ABCC1: variants seen among roughly 807,000 people sequenced by gnomAD.
ABCC1 encodes the protein multidrug resistance-associated protein 1.
Under a neutral mutation model 172.9 loss-of-function variants are expected in ABCC1, and 83 were observed. The observed-to-expected ratio is 0.48, with a 90% confidence interval of 0.40 to 0.58. The LOEUF (loss-of-function observed/expected upper bound fraction) is 0.58, where lower values mean the gene tolerates loss of function less well. ABCC1 is among the 20% of genes least tolerant of loss of function. ABCC1 has a pLI of 0.00. For synonymous variants in ABCC1, 937 were observed against 825.2 expected (o/e 1.14, Z -2.32); for missense variants, 1,817 against 2,002.7 (o/e 0.91, Z 1.77).
At chr16:16,139,584 C>T (rs914987879) in intron 30 of ABCC1, among the ~76,000 whole-genome samples, 1 of 118,454 alleles carries the variant, frequency 8.4e-6, no homozygotes, top group Admixed American at 1.2e-4. Flanking sequence ...TGCAGTCCAG[C>T]CTGGGCAACA....
chr16:15,964,942 C>G (rs2151512817), intron 1 of ABCC1, among the ~76,000 whole-genome samples: 2 of 152,226 alleles, frequency 1.3e-5, no homozygotes, highest in Middle Eastern at 3.4e-3. Context: ...ACTAGTTTGT[C>G]TTTTTCCTGT....
At chr16:16,074,920 A>G (rs962661771) in intron 14 of ABCC1, among the ~76,000 whole-genome samples, 1 of 151,172 alleles carries the variant, frequency 6.6e-6, no homozygotes, top group African/African-American at 2.4e-5. Flanking sequence ...CATAATTCAG[A>G]GAGCTGCTTT....
chr16:16,080,685 G>A (rs2050772140), intron 16 of ABCC1, among the ~76,000 whole-genome samples: 1 of 152,174 alleles, frequency 6.6e-6, no homozygotes, highest in Non-Finnish European at 1.5e-5. Context: ...CCTCCCTCTT[G>A]GAGACTTACA....
chr16:16,128,290 C>A (rs2045527746), intron 26 of ABCC1, among the ~76,000 whole-genome samples: 1 of 152,034 alleles, frequency 6.6e-6, no homozygotes, highest in Non-Finnish European at 1.5e-5. Context: ...CGATTCCCAG[C>A]CTCCTGAGTA....
In ABCC1 at chr16:15,949,729, C is replaced by A. The variant is rs997450926; in HGVS notation, c.-23C>A. ...GGCCCGATCACCCGCCGCCCGGTGCCCGCCGCCGCCCGCGCCACCGGCATG... is the reference window on the plus strand; with the variant it reads ...GGCCCGATCACCCGCCGCCCGGTGCACGCCGCCGCCCGCGCCACCGGCATG... On this transcript the variant is annotated 5_prime_UTR_variant, in exon 1 of 31. Coordinates refer to ENST00000399410, the MANE Select transcript of ABCC1 (RefSeq NM_004996.4). 2 of 1,151,162 alleles carry A rather than the reference C, an allele frequency of 1.7e-6. No individual in the cohort carries two copies. The highest frequency in any genetic ancestry group is 3.3e-5 in the African/African-American group (2 of 60,738). 71.3% of individuals were successfully genotyped at this position (1,151,162 alleles called of 1,614,324 possible). A position where few individuals can be genotyped will look rare whatever the true frequency, so the allele number is the denominator to read the frequency against.
chr16:16,031,969 C>T (rs1342989314), intron 5 of ABCC1, among the ~76,000 whole-genome samples: 1 of 151,796 alleles, frequency 6.6e-6, no homozygotes, highest in Non-Finnish European at 1.5e-5. Flanking sequence ...ATCTCTGGTC[C>T]CCAGTTTTTA....
intron 1 of ABCC1, among the ~76,000 whole-genome samples, chr16:15,998,664 T>G (rs976630428): frequency 3.3e-5 from 5 of 152,214 alleles, no homozygotes; most frequent in African/African-American, 1.2e-4. Context: ...AGCTAGCCTG[T>G]GCTCTTCAAT....
chr16:16,042,571 C>G (rs1038750855), intron 7 of ABCC1, among the ~76,000 whole-genome samples: 1 of 151,932 alleles, frequency 6.6e-6, no homozygotes, highest in African/African-American at 2.4e-5. Context: ...GGTGTGGTAG[C>G]GCACACCTGT....
intron 5 of ABCC1, among the ~76,000 whole-genome samples, chr16:16,024,650 C>G (rs1390105328): frequency 1.3e-5 from 2 of 152,114 alleles, no homozygotes; most frequent in African/African-American, 2.4e-5. Flanking sequence ...ACCACCACAT[C>G]CAGCCAGGAC....
chr16:15,962,028 T>C (rs2046145252), intron 1 of ABCC1, among the ~76,000 whole-genome samples: 1 of 152,238 alleles, frequency 6.6e-6, no homozygotes, highest in South Asian at 2.1e-4. Context: ...GTCAGGTTAC[T>C]GCAGCAGTTT....
chr16:15,997,828 C>G (rs152261), intron 1 of ABCC1, among the ~76,000 whole-genome samples: 1 of 132,724 alleles, frequency 7.5e-6, no homozygotes, highest in Non-Finnish European at 1.5e-5. Flanking sequence ...TTTTTTTTTT[C>G]CCTGAGACAG....
chr16:15,986,684 A>T (rs899872381), intron 1 of ABCC1, among the ~76,000 whole-genome samples: 1 of 152,196 alleles, frequency 6.6e-6, no homozygotes, highest in African/African-American at 2.4e-5. Flanking sequence ...CATTCTCCCC[A>T]TTCCAAAGTC....
intron 3 of ABCC1, among the ~76,000 whole-genome samples, chr16:16,010,929 G>A (rs944234293): frequency 6.6e-6 from 1 of 152,124 alleles, no homozygotes; most frequent in African/African-American, 2.4e-5. Flanking sequence ...TGTAGCCCTT[G>A]AGTATTGTAA....
At chr16:16,096,372 T>C (rs8063599) in intron 19 of ABCC1, among the ~76,000 whole-genome samples, 4,578 of 151,994 alleles carry the variant, frequency 0.03, 223 homozygotes, top group African/African-American at 0.11. Flanking sequence ...AGATTGAGAG[T>C]ATATCTTAGA....
intron 1 of ABCC1, among the ~76,000 whole-genome samples, chr16:16,006,105 C>A (rs1203200112): frequency 6.6e-6 from 1 of 152,040 alleles, no homozygotes; most frequent in African/African-American, 2.4e-5. Context: ...TAACAACAAG[C>A]CATCTATGGG....
chr16:15,998,234 C>T (rs1214470502), intron 1 of ABCC1, among the ~76,000 whole-genome samples: 1 of 152,148 alleles, frequency 6.6e-6, no homozygotes, highest in African/African-American at 2.4e-5. Flanking sequence ...AAAAGATCCT[C>T]CCACTTCAGC....
intron 1 of ABCC1, among the ~76,000 whole-genome samples, chr16:15,987,929 A>G (rs1483889924): frequency 6.6e-6 from 1 of 151,204 alleles, no homozygotes; most frequent in East Asian, 2.0e-4. Flanking sequence ...CATTTGGTTT[A>G]CTCCTCTGTT....
intron 26 of ABCC1, among the ~76,000 whole-genome samples, chr16:16,128,989 T>C (rs1013965738): frequency 1.3e-4 from 19 of 151,716 alleles, no homozygotes; most frequent in African/African-American, 4.3e-4. Flanking sequence ...AGTGAGACTC[T>C]GTCTCGAAAA....
At chr16:16,105,008 C>T (rs1006354084) in intron 20 of ABCC1, among the ~76,000 whole-genome samples, 1 of 152,162 alleles carries the variant, frequency 6.6e-6, no homozygotes, top group East Asian at 1.9e-4. Flanking sequence ...CCGTTCCTCT[C>T]CCTCCACACC....
Sources: allele counts gnomAD v4.1 joint callset (sites outside exome capture counted in the v4.1 genomes callset), GRCh38; gene constraint gnomAD v4.1.1; transcripts MANE v1.5; gene names NCBI Gene and HGNC (gene_info 2026-07-23, HGNC 2026-07-21).